The following TRIP11 variants were observed in gnomAD, a reference collection of about 807,000 sequenced individuals.
The protein encoded by TRIP11 is thyroid receptor-interacting protein 11.
TRIP11 carries 148 observed loss-of-function variants against 223.1 expected under a neutral mutation model. The ratio of observed to expected loss-of-function variants is 0.66; its 90% CI spans 0.58 to 0.76. The LOEUF (loss-of-function observed/expected upper bound fraction) is 0.76. TRIP11 is among the 30% of genes least tolerant of loss of function. TRIP11 has a pLI of 0.00. For synonymous variants in TRIP11, 762 were observed against 772.6 expected (o/e 0.99, Z 0.23); for missense variants, 2,043 against 2,222.0 (o/e 0.92, Z 1.62).
chr14:92,033,508 A>G (rs909888729), intron 1 of TRIP11, among the ~76,000 whole-genome samples: 2 of 152,142 alleles, frequency 1.3e-5, no homozygotes, highest in African/African-American at 4.8e-5. Flanking sequence ...AGAAATGTTC[A>G]TTAGAATTTT....
At position 91,995,407 on chromosome 14, in the gene TRIP11, C is replaced by T. The variant is rs777398365; in HGVS notation, c.5001G>A (p.Lys1667=). The change falls in exon 14 of 21, where the codon AAG becomes AAA. Residue 1667 remains lysine, a synonymous_variant. Coordinates refer to ENST00000267622, the MANE Select transcript of TRIP11 (RefSeq NM_004239.4). ...LQLSVSQEQV[K]QYALSLANLQ... ...GGTTGGCCAGTGACAGAGCATACTGCTTTACTTGTTCCTGAGAGACAGAAA... is the reference window on the plus strand; with the variant it reads ...GGTTGGCCAGTGACAGAGCATACTGTTTTACTTGTTCCTGAGAGACAGAAA... 6.2e-7 allele frequency: 1 copy of T among 1,614,122 alleles called. No individual in the cohort carries two copies. Among genetic ancestry groups the T allele is most frequent in the Non-Finnish European group, 8.5e-7 (1 of 1,180,010 alleles).
In TRIP11 at chr14:91,999,293, G is replaced by T; in HGVS notation, c.4839C>A (p.Val1613=). 1 of 1,613,784 alleles carries T rather than the reference G, an allele frequency of 6.2e-7. No individual in the cohort carries two copies. Among genetic ancestry groups the T allele is most frequent in the South Asian group, 1.1e-5 (1 of 91,060 alleles). Residue 1613 remains valine, a synonymous_variant, in exon 13 of 21, where the codon GTC becomes GTA. Transcript: ENST00000267622. ...AAACTAGCTTTTCCTCCAATACTGTGACTTTCTTTCTTAGTTTAGCCTCTC... is the reference window on the plus strand; with the variant it reads ...AAACTAGCTTTTCCTCCAATACTGTTACTTTCTTTCTTAGTTTAGCCTCTC... ...EDREAKLRKK[V]TVLEEKLVSS... is the part of the protein sequence containing the mutation.
chr14:91,969,863 G>A lies in TRIP11; in HGVS notation c.5750C>T (p.Thr1917Ile). The part of the protein sequence containing the change: ...DTAESRSGRR[T>I]DVNPFLAPRS... ...AGGAGCCAAAAACGGATTTACATCTGTTCTTCTACCAGACCTGGATTCTGC... is the reference window on the plus strand; with the variant it reads ...AGGAGCCAAAAACGGATTTACATCTATTCTTCTACCAGACCTGGATTCTGC... The change falls in exon 21 of 21, where the codon ACA becomes ATA. Residue 1917 changes from threonine to isoleucine, a missense_variant. Transcript: ENST00000267622. 1 of 1,614,166 alleles carries A rather than the reference G, an allele frequency of 6.2e-7. No homozygotes were observed. The highest frequency in any genetic ancestry group is 8.5e-7 in the Non-Finnish European group (1 of 1,180,020).
At chr14:91,974,089 C>T (rs1017029443) in intron 19 of TRIP11, among the ~76,000 whole-genome samples, 3 of 152,184 alleles carry the variant, frequency 2.0e-5, no homozygotes, top group African/African-American at 7.2e-5. Context: ...GATACTACTA[C>T]TCAATTCAAT....
Position 92,030,203 on chromosome 14 carries a change from CAAAAAAA to C in TRIP11, c.201+2982_201+2988del, listed in dbSNP as rs55828319. 1.7e-3 allele frequency among the ~76,000 whole-genome samples: 112 copies of C among 67,096 alleles called. 3 individuals are homozygous for C. The highest frequency in any genetic ancestry group is 1.1e-3 in the Non-Finnish European group (43 of 37,982). The allele number at this position is 67,096 out of a possible 152,430, so 44.0% of individuals were successfully genotyped here. A position where few individuals can be genotyped will look rare whatever the true frequency, so the allele number is the denominator to read the frequency against. ...TGGGCGACAGAGCGAGACTCCGTCT[CAAAAAAA>C]AAAAAAAAAAAAAAAGAATTGATGA... On this transcript the variant is annotated intron_variant, in intron 2 of 20. Transcript: ENST00000267622.
intron 17 of TRIP11, 92 bp from the exon 18 acceptor site, chr14:91,975,378 T>C: frequency 1.4e-6 from 1 of 718,748 alleles, no homozygotes; most frequent in Non-Finnish European, 2.2e-6. Flanking sequence ...TATTAAACAA[T>C]TAAATATTTA....
chr14:92,019,112 C>T (rs1018729848), intron 4 of TRIP11, among the ~76,000 whole-genome samples: 10 of 151,116 alleles, frequency 6.6e-5, no homozygotes, highest in East Asian at 1.9e-4. Context: ...ATTTTTATTA[C>T]GTCTTGCTAG....
chr14:91,995,307 A>G (rs1464843759), intron 14 of TRIP11, 45 bp downstream of exon 14: 1 of 1,610,224 alleles, frequency 6.2e-7, no homozygotes, highest in East Asian at 2.2e-5. Flanking sequence ...AAAATTACCA[A>G]TAACTACAAT....
chr14:92,025,698 G>C (rs1363262207), intron 2 of TRIP11, among the ~76,000 whole-genome samples: 3 of 152,142 alleles, frequency 2.0e-5, no homozygotes, highest in African/African-American at 4.8e-5. Flanking sequence ...CCAACATAGG[G>C]AAACCCCATC....
chr14:92,023,927 C>A lies in TRIP11; in HGVS notation c.312+1383G>T, dbSNP rs1016219312. 3.3e-5 allele frequency among the ~76,000 whole-genome samples: 5 copies of A among 151,176 alleles called. No individual in the cohort carries two copies. In the South Asian group the frequency reaches 8.4e-4, roughly 25 times the overall value. ...CTAGAATGCAGTGGCGTGATCTCAG[C>A]TCACTACAACCACCGCCTCCCAGGT... On this transcript the variant is annotated intron_variant, in intron 3 of 20. Transcript: ENST00000267622.
chr14:91,991,820 C>T (rs949001050), intron 15 of TRIP11, among the ~76,000 whole-genome samples: 2 of 151,988 alleles, frequency 1.3e-5, no homozygotes, highest in African/African-American at 2.4e-5. Context: ...CGGTGGCTCA[C>T]GCCTGTAATC....
intron 14 of TRIP11, among the ~76,000 whole-genome samples, chr14:91,994,880 C>T (rs2056728757): frequency 6.6e-6 from 1 of 152,162 alleles, no homozygotes; most frequent in African/African-American, 2.4e-5. Flanking sequence ...GTAGTTACCT[C>T]AAAGCATAGA....
At chr14:92,036,339 A>T (rs2057325043) in intron 1 of TRIP11, among the ~76,000 whole-genome samples, 1 of 152,228 alleles carries the variant, frequency 6.6e-6, no homozygotes, top group Non-Finnish European at 1.5e-5. Context: ...CCATTCATTA[A>T]TGTTTACGAT....
At chr14:92,014,639 T>A in intron 6 of TRIP11, 62 bp from the exon 7 acceptor site, 1 of 1,527,088 alleles carries the variant, frequency 6.5e-7, no homozygotes, top group Non-Finnish European at 8.8e-7. Flanking sequence ...AACGGTTTGC[T>A]ATATACAACT....
At chr14:92,006,761 C>G (rs2140120622) in intron 10 of TRIP11, among the ~76,000 whole-genome samples, 1 of 152,206 alleles carries the variant, frequency 6.6e-6, no homozygotes, top group South Asian at 2.1e-4. Context: ...TTGAACCTCC[C>G]AGGTTCAAGC....
chr14:92,031,113 T>A (rs530075781), intron 2 of TRIP11, among the ~76,000 whole-genome samples: 36 of 152,136 alleles, frequency 2.4e-4, no homozygotes, highest in African/African-American at 6.0e-4. Flanking sequence ...TTATTTATTT[T>A]TTTATTTACT....
In TRIP11 at chr14:92,014,541, ATT is replaced by A. The variant is rs2057012251; in HGVS notation, c.858_859del (p.Lys286AsnfsTer3). 6.2e-7 allele frequency: 1 copy of A among 1,602,478 alleles called. No individual in the cohort carries two copies. The highest frequency in any genetic ancestry group is 1.3e-5 in the African/African-American group (1 of 74,162). On this transcript the variant is annotated frameshift_variant, in exon 7 of 21. Transcript: ENST00000267622. LOFTEE classifies it high-confidence loss of function. ...TTGAATAGTTTTTTGCATCTCATAG[ATT>A]TTAGAGAGATCAGTTTCTATAACTC...
intron 15 of TRIP11, 123 bp from the exon 16 acceptor site, chr14:91,988,506 G>A: frequency 1.3e-6 from 1 of 786,226 alleles, no homozygotes; most frequent in Non-Finnish European, 2.1e-6. Context: ...CTATGACCTT[G>A]GGCAAATGTA....
At chr14:92,007,084 G>A (rs1464778078) in intron 10 of TRIP11, among the ~76,000 whole-genome samples, 2 of 150,538 alleles carry the variant, frequency 1.3e-5, no homozygotes, top group African/African-American at 4.9e-5. Flanking sequence ...GGAGTGCAGT[G>A]GCATGATCTC....
Sources: gnomAD v4.1 joint callset for allele counts (sites outside exome capture counted in the v4.1 genomes callset) on GRCh38, gnomAD v4.1.1 for gene constraint, MANE v1.5 for transcripts, NCBI Gene and HGNC (gene_info 2026-07-23, HGNC 2026-07-21) for gene names.